KCNIP3: variants seen among roughly 807,000 people sequenced by gnomAD.
KCNIP3 encodes calsenilin.
KCNIP3 carries 28 observed loss-of-function variants against 35.0 expected under a neutral mutation model. The observed-to-expected ratio is 0.80, with a 90% CI of 0.59 to 1.10. The LOEUF is 1.10. KCNIP3 is among the 50% of genes least tolerant of loss of function. KCNIP3 has a pLI of 0.00. For synonymous variants in KCNIP3, 134 were observed against 133.8 expected (o/e 1.00, Z -0.01); for missense variants, 295 against 338.4 (o/e 0.87, Z 1.01).
intron 2 of KCNIP3, among the ~76,000 whole-genome samples, chr2:95,327,770 C>T (rs983104603): frequency 6.6e-6 from 1 of 152,196 alleles, no homozygotes. Context: ...GTTTGTCCAT[C>T]TATCCGTCCA....
intron 5 of KCNIP3, among the ~76,000 whole-genome samples, 153 bp downstream of exon 5, chr2:95,375,361 G>A (rs1680158509): frequency 6.6e-6 from 1 of 152,064 alleles, no homozygotes; most frequent in Non-Finnish European, 1.5e-5. Context: ...GATGTGGCTG[G>A]CCCTGGGCCA....
rs1281973510 is a variant in KCNIP3 at position 95,326,076 on chromosome 2, AAC to A, written c.181+15561_181+15562del. ...ACACACATACACATTCACTCATACTAACACACTCATATACACATACACACATA... is the reference window on the plus strand; with the variant it reads ...ACACACATACACATTCACTCATACTAACACTCATATACACATACACACATA... On this transcript the variant is annotated intron_variant, in intron 2 of 8. Coordinates refer to ENST00000295225, the MANE Select transcript of KCNIP3 (RefSeq NM_013434.5). Among the ~76,000 whole-genome samples the A allele has an allele frequency of 9.4e-5, 12 of 128,082 alleles. No individual in the cohort carries two copies. In the South Asian group the frequency reaches 1.0e-3, roughly 11 times the overall value. 84.0% of individuals were successfully genotyped at this position (128,082 alleles called of 152,430 possible). A position where few individuals can be genotyped will look rare whatever the true frequency, so the allele number is the denominator to read the frequency against.
chr2:95,317,454 G>T (rs1380557325), intron 2 of KCNIP3, among the ~76,000 whole-genome samples: 3 of 152,200 alleles, frequency 2.0e-5, no homozygotes, highest in Non-Finnish European at 4.4e-5. Flanking sequence ...CCTGTGGCAG[G>T]GGCAGGGGCT....
intron 1 of KCNIP3, among the ~76,000 whole-genome samples, chr2:95,305,175 C>T (rs1489577429): frequency 1.3e-5 from 2 of 152,148 alleles, no homozygotes; most frequent in Admixed American, 6.5e-5. Context: ...AAAATGAGGC[C>T]GGCATCGAGC....
chr2:95,298,947 A>G (rs1370954928), intron 1 of KCNIP3: 1 of 152,258 alleles, frequency 6.6e-6, no homozygotes, highest in Non-Finnish European at 1.5e-5. Flanking sequence ...GTCAGGCTGC[A>G]CACAGATGTG....
At chr2:95,369,717 A>G (rs1464269624) in intron 2 of KCNIP3, among the ~76,000 whole-genome samples, 2 of 151,900 alleles carry the variant, frequency 1.3e-5, no homozygotes, top group Admixed American at 6.6e-5. Flanking sequence ...TGCAGCGTCA[A>G]TCTCCCAGGC....
chr2:95,343,454 C>T (rs746873770), intron 2 of KCNIP3, among the ~76,000 whole-genome samples: 9 of 152,178 alleles, frequency 5.9e-5, no homozygotes, highest in Non-Finnish European at 2.9e-5. Flanking sequence ...CCCCCAGCCC[C>T]ACTCCGGAGA....
chr2:95,336,641 G>C (rs543599807), intron 2 of KCNIP3, among the ~76,000 whole-genome samples: 33 of 152,180 alleles, frequency 2.2e-4, no homozygotes, highest in South Asian at 4.2e-4. Context: ...ACAGGCCCTG[G>C]ATTTACTTAC....
At chr2:95,332,917 T>C (rs998537382) in intron 2 of KCNIP3, among the ~76,000 whole-genome samples, 7 of 152,218 alleles carry the variant, frequency 4.6e-5, no homozygotes, top group Admixed American at 2.0e-4. Flanking sequence ...AATTACATCC[T>C]TGGGGGTCTT....
At chr2:95,354,439 G>A (rs1007774780) in intron 2 of KCNIP3, among the ~76,000 whole-genome samples, 10 of 152,358 alleles carry the variant, frequency 6.6e-5, no homozygotes, top group South Asian at 2.1e-4. Context: ...GCTCTGGGAC[G>A]GTGCCCTCTG....
At chr2:95,344,423 C>T (rs1005157719) in intron 2 of KCNIP3, among the ~76,000 whole-genome samples, 5 of 152,228 alleles carry the variant, frequency 3.3e-5, no homozygotes, top group African/African-American at 4.8e-5. Flanking sequence ...CCATTAGGCC[C>T]GTAGCCCAGG....
chr2:95,339,232 C>A (rs1199142187), intron 2 of KCNIP3, among the ~76,000 whole-genome samples: 1 of 152,202 alleles, frequency 6.6e-6, no homozygotes, highest in Non-Finnish European at 1.5e-5. Context: ...GTCCCCCCTC[C>A]TCCTTCAGCC....
Position 95,378,877 on chromosome 2 carries a change from C to T in KCNIP3, c.448-2719C>T, listed in dbSNP as rs867659429. Among the ~76,000 whole-genome samples, 10 of 136,346 alleles carry T rather than the reference C, an allele frequency of 7.3e-5. No individual in the cohort carries two copies. The highest frequency in any genetic ancestry group is 1.1e-4 in the African/African-American group (4 of 34,802). The allele number at this position is 136,346 out of a possible 152,430, so 89.4% of individuals were successfully genotyped here. A position where few individuals can be genotyped will look rare whatever the true frequency, so the allele number is the denominator to read the frequency against. On this transcript the variant is annotated intron_variant, in intron 5 of 8. Transcript: ENST00000295225. The surrounding 1 kb of genome is among the most constrained non-coding windows in gnomAD (Gnocchi z 4.0). ...ATATACACATATATACACACACACACATATATATACACACACACACATATA... is the reference window on the plus strand; with the variant it reads ...ATATACACATATATACACACACACATATATATATACACACACACACATATA...
rs1680223199 is a variant in KCNIP3, at chr2:95,377,200, G to T, written c.447+1992G>T. Among the ~76,000 whole-genome samples, 2 of 152,242 alleles carry T rather than the reference G, an allele frequency of 1.3e-5. No homozygotes were observed. Among genetic ancestry groups the T allele is most frequent in the South Asian group, 4.1e-4 (2 of 4,836 alleles). Reference sequence around the variant, plus strand: ...CTTTCTCGTGCAACTCATCTGGCTTGCCAGGACGTGCAGAGCTTCCAAAAC... The same window carrying T: ...CTTTCTCGTGCAACTCATCTGGCTTTCCAGGACGTGCAGAGCTTCCAAAAC... On this transcript the variant is annotated intron_variant, in intron 5 of 8. Coordinates refer to ENST00000295225, the MANE Select transcript of KCNIP3 (RefSeq NM_013434.5). This position sits in a 1 kb window ranked among gnomAD's most constrained non-coding sequence, Gnocchi z 4.7.
intron 2 of KCNIP3, among the ~76,000 whole-genome samples, chr2:95,314,592 A>G (rs889851): frequency 0.77 from 117,384 of 152,168 alleles, 45,803 homozygotes; most frequent in African/African-American, 0.88. Flanking sequence ...CTGGATTTGA[A>G]GCAGAGTCCT....
intron 1 of KCNIP3, among the ~76,000 whole-genome samples, chr2:95,299,913 A>G (rs1677979218): frequency 6.6e-6 from 1 of 152,160 alleles, no homozygotes. Flanking sequence ...CTCCCGCATT[A>G]TCTCCCTGGA....
At chr2:95,367,232 C>T (rs1274137800) in intron 2 of KCNIP3, among the ~76,000 whole-genome samples, 1 of 152,074 alleles carries the variant, frequency 6.6e-6, no homozygotes, top group Non-Finnish European at 1.5e-5. Flanking sequence ...GAGATCATGC[C>T]ACTGCACTCC....
intron 2 of KCNIP3, among the ~76,000 whole-genome samples, chr2:95,322,128 G>A (rs1387190256): frequency 1.3e-5 from 2 of 152,172 alleles, no homozygotes; most frequent in Admixed American, 6.5e-5. Flanking sequence ...ACTTTGGGAG[G>A]TCGAGGTGGG....
chr2:95,323,605 C>A (rs1442291937), intron 2 of KCNIP3, among the ~76,000 whole-genome samples: 1 of 152,104 alleles, frequency 6.6e-6, no homozygotes, highest in Non-Finnish European at 1.5e-5. Flanking sequence ...CCATTTCACT[C>A]CTTCAAGTCA....
Sources: allele counts gnomAD v4.1 joint callset (sites outside exome capture counted in the v4.1 genomes callset), GRCh38; gene constraint gnomAD v4.1.1; non-coding constraint Gnocchi (gnomAD v3.1); transcripts MANE v1.5; gene names NCBI Gene and HGNC (gene_info 2026-07-23, HGNC 2026-07-21).